The following PRKCQ variants were observed in gnomAD, a reference collection of about 807,000 sequenced individuals.
The protein encoded by PRKCQ is protein kinase C theta type.
A neutral mutation model predicts 91.2 loss-of-function variants in PRKCQ; 41 were observed. That is an observed-to-expected ratio of 0.45 (90% confidence interval 0.35 to 0.58). PRKCQ has a LOEUF of 0.58. Among genes scored for constraint, PRKCQ ranks in the 20% least tolerant of loss-of-function variants. PRKCQ has a pLI of 0.00. For synonymous variants in PRKCQ, 307 were observed against 316.9 expected (o/e 0.97, Z 0.33); for missense variants, 673 against 896.5 (o/e 0.75, Z 3.18).
At chr10:6,404,245 GA>G in the PRKCQ span, among the ~76,000 whole-genome samples, 7 of 19,744 alleles carry the variant, frequency 3.5e-4, no homozygotes, top group South Asian at 5.1e-3. Context: ...GAAAGGGAGA[GA>G]AGGGGGGGGG....
At chr10:6,467,327 GAGACAGAC>G (rs1216542833) in intron 12 of PRKCQ, among the ~76,000 whole-genome samples, 1 of 132,730 alleles carries the variant, frequency 7.5e-6, no homozygotes, top group Admixed American at 7.6e-5. Flanking sequence ...GAGACAGAGA[GAGACAGAC>G]AGAGAGAGAG....
chr10:6,426,158 A>T (rs1833115874), downstream of PRKCQ, among the ~76,000 whole-genome samples: 1 of 151,322 alleles, frequency 6.6e-6, no homozygotes, highest in Non-Finnish European at 1.5e-5. Context: ...TCTAGTGAGG[A>T]CTTTAGATAG....
chr10:6,439,008 G>A (rs571034812), intron 16 of PRKCQ, among the ~76,000 whole-genome samples: 7 of 152,330 alleles, frequency 4.6e-5, no homozygotes, highest in East Asian at 1.9e-4. Context: ...TTAGCATGTT[G>A]TATTGACATG....
In PRKCQ at chr10:6,428,081, G is replaced by A. The variant is rs45449405; in HGVS notation, c.*126C>T. ...AGATAAAAGTCACATGGGGGCGAAC[G>A]GGTCTCAGTCTTTATTGTTGAGTGT... On this transcript the variant is annotated 3_prime_UTR_variant, in exon 18 of 18. Coordinates refer to ENST00000263125, the MANE Select transcript of PRKCQ (RefSeq NM_006257.5). 723 of 1,216,306 alleles carry A rather than the reference G, an allele frequency of 5.9e-4. No individual in the cohort carries two copies. In the African/African-American group the frequency reaches 7.5e-3, roughly 13 times the overall value. The allele number at this position is 1,216,306 out of a possible 1,614,324, so 75.3% of individuals were successfully genotyped here. A position where few individuals can be genotyped will look rare whatever the true frequency, so the allele number is the denominator to read the frequency against.
At chr10:6,518,443 A>T (rs1004139012) in intron 1 of PRKCQ, among the ~76,000 whole-genome samples, 11 of 152,162 alleles carry the variant, frequency 7.2e-5, no homozygotes, top group African/African-American at 2.7e-4. Flanking sequence ...ATAACATTAG[A>T]AATTAATAAT....
At chr10:6,485,664 C>A (rs1836865262) in intron 9 of PRKCQ, among the ~76,000 whole-genome samples, 1 of 152,098 alleles carries the variant, frequency 6.6e-6, no homozygotes, top group Non-Finnish European at 1.5e-5. Context: ...CCAAATTTGC[C>A]CTGGACTCGG....
In PRKCQ at chr10:6,538,824, C is replaced by T. The variant is rs187897514; in HGVS notation, c.-9-23680G>A. Among the ~76,000 whole-genome samples, 96 of 152,296 alleles carry T rather than the reference C, an allele frequency of 6.3e-4. No homozygotes were observed. The Middle Eastern group carries it at 0.027, about 43-fold the overall frequency. ...TTTATTTTGTAGATGGAGTCTCGCT[C>T]TGTCACCCAGTTCACTGCAACCTCC... On this transcript the variant is annotated intron_variant, in intron 1 of 17. Coordinates refer to ENST00000263125, the MANE Select transcript of PRKCQ (RefSeq NM_006257.5).
At chr10:6,401,541 C>T in the PRKCQ span, among the ~76,000 whole-genome samples, 1 of 151,246 alleles carries the variant, frequency 6.6e-6, no homozygotes, top group Non-Finnish European at 1.5e-5. Flanking sequence ...GATCCATTTT[C>T]GTGCTTTGTA....
chr10:6,488,003 T>TAAA (rs1227492258), intron 8 of PRKCQ, among the ~76,000 whole-genome samples: 1 of 50,686 alleles, frequency 2.0e-5, no homozygotes, highest in African/African-American at 6.9e-5. Context: ...AGACTGTGTC[T>TAAA]CAAAAAAAAA....
chr10:6,546,612 C>G (rs959306453), intron 1 of PRKCQ, among the ~76,000 whole-genome samples: 1 of 152,056 alleles, frequency 6.6e-6, no homozygotes, highest in African/African-American at 2.4e-5. Flanking sequence ...AGTTGCTTAC[C>G]AGCTTAAGGA....
intron 3 of PRKCQ, 129 bp downstream of exon 3, chr10:6,510,866 G>C (rs1472864111): frequency 2.2e-6 from 2 of 922,632 alleles, no homozygotes; most frequent in East Asian, 2.5e-5. Flanking sequence ...TCACCAGTAG[G>C]AAGTGGTAGG....
chr10:6,550,646 T>C (rs1279028943), intron 1 of PRKCQ, among the ~76,000 whole-genome samples: 1 of 152,238 alleles, frequency 6.6e-6, no homozygotes, highest in African/African-American at 2.4e-5. Context: ...TCTCCACCTC[T>C]TGGCTATTGA....
chr10:6,464,416 CA>C lies in PRKCQ; in HGVS notation c.1354-13del, dbSNP rs1231713746. 6.4e-7 allele frequency: 1 copy of C among 1,562,962 alleles called. No individual in the cohort carries two copies. The highest frequency in any genetic ancestry group is 1.4e-5 in the African/African-American group (1 of 72,526). ...AAAAAGAGGTTTTCCTGTGGAAAAA[CA>C]AAACAATTCCAACTTTTATTTCATT... On this transcript the variant is annotated splice_polypyrimidine_tract_variant and intron_variant, in intron 12 of 17. Coordinates refer to ENST00000263125, the MANE Select transcript of PRKCQ (RefSeq NM_006257.5).
chr10:6,497,335 T>G lies in PRKCQ; in HGVS notation c.543-84A>C. 2 of 1,488,860 alleles carry G rather than the reference T, an allele frequency of 1.3e-6. No homozygotes were observed. The highest frequency in any genetic ancestry group is 1.9e-6 in the Non-Finnish European group (2 of 1,067,654). 92.2% of individuals were successfully genotyped at this position (1,488,860 alleles called of 1,614,324 possible). ...CATTTAAGAGATGGATGAGATCTCATAACCCCCTAAGATCACAGAGCAGTT... is the reference window on the plus strand; with the variant it reads ...CATTTAAGAGATGGATGAGATCTCAGAACCCCCTAAGATCACAGAGCAGTT... On this transcript the variant is annotated intron_variant, in intron 5 of 17. Coordinates refer to ENST00000263125, the MANE Select transcript of PRKCQ (RefSeq NM_006257.5). This position sits in a 1 kb window ranked among gnomAD's most constrained non-coding sequence, Gnocchi z 4.5.
chr10:6,422,414 G>A (rs952939522), downstream of PRKCQ, among the ~76,000 whole-genome samples: 4 of 152,090 alleles, frequency 2.6e-5, no homozygotes, highest in East Asian at 1.9e-4. Context: ...GGTGTGACCC[G>A]GGCATCCTGA....
chr10:6,423,767 T>C (rs987489239), downstream of PRKCQ, among the ~76,000 whole-genome samples: 34 of 152,216 alleles, frequency 2.2e-4, no homozygotes, highest in African/African-American at 7.7e-4. Flanking sequence ...ATGCCTCTTC[T>C]CTTGGCCATC....
At chr10:6,405,597 G>A in the PRKCQ span, among the ~76,000 whole-genome samples, 9 of 152,220 alleles carry the variant, frequency 5.9e-5, no homozygotes, top group African/African-American at 1.9e-4. Flanking sequence ...ATAGCCAAGT[G>A]TTAAGTGTGG....
intron 15 of PRKCQ, among the ~76,000 whole-genome samples, chr10:6,456,139 T>A (rs1450970214): frequency 6.6e-6 from 1 of 152,112 alleles, no homozygotes; most frequent in Non-Finnish European, 1.5e-5. Flanking sequence ...AGCAGTGTCT[T>A]CTTCTTATTT....
At chr10:6,535,468 A>T (rs1839547357) in intron 1 of PRKCQ, among the ~76,000 whole-genome samples, 1 of 151,992 alleles carries the variant, frequency 6.6e-6, no homozygotes, top group African/African-American at 2.4e-5. Context: ...ATGTATTAAT[A>T]CATTTTTTTT....
Sources: allele counts gnomAD v4.1 joint callset (sites outside exome capture counted in the v4.1 genomes callset), GRCh38; gene constraint gnomAD v4.1.1; non-coding constraint Gnocchi (gnomAD v3.1); transcripts MANE v1.5; gene names NCBI Gene and HGNC (gene_info 2026-07-23, HGNC 2026-07-21).